The following PLET1 variants were observed in gnomAD, a reference collection of about 807,000 sequenced individuals.
PLET1 encodes the protein placenta-expressed transcript 1 protein.
PLET1 carries 20 observed loss-of-function variants against 18.5 expected under a neutral mutation model. That is an observed-to-expected ratio of 1.08 (90% CI 0.76 to 1.57). The LOEUF is 1.57. PLET1 is among the 40% of genes most tolerant of loss of function. The probability of loss-of-function intolerance (pLI) is 0.00; values close to 1 mark genes in which losing one functional copy is unlikely to be tolerated. For synonymous variants in PLET1, 93 were observed against 93.8 expected, an observed-to-expected ratio of 0.99 and a Z score of 0.05; for missense variants, 256 against 246.4, an observed-to-expected ratio of 1.04 and a Z score of -0.26.
chr11:112,249,503 C>T (rs1469746817), intron 3 of PLET1, among the ~76,000 whole-genome samples: 1 of 152,154 alleles, frequency 6.6e-6, no homozygotes, highest in Non-Finnish European at 1.5e-5. Context: ...TTCTGAGGCA[C>T]TGGTCAGTTT....
chr11:112,251,285 A>T (rs1327637856), intron 3 of PLET1, among the ~76,000 whole-genome samples: 5 of 10,044 alleles, frequency 5.0e-4, no homozygotes, highest in South Asian at 0.011. Context: ...TTGTAAATTA[A>T]AAAAAAAAAA....
rs1294351593 is a variant in PLET1 at position 112,248,956 on chromosome 11, G to A, written c.467C>T (p.Ala156Val). The A allele has an allele frequency of 2.6e-6, 4 of 1,550,534 alleles. No individual in the cohort carries two copies. In the South Asian group the frequency reaches 4.8e-5, roughly 18 times the overall value. Residue 156 changes from alanine to valine, a missense_variant, in exon 4 of 4, where the codon GCT becomes GTT. Physicochemically the swap from Ala to Val is moderately conservative, Grantham distance 64. Transcript: ENST00000338832. ...GGCTGAGCTCTGGGGAATCTTGGCA[G>A]CTAAGGCTAAGGTTGACACTGGAAA... ...LREKLSTLALAAKIPQSSAFK... is the reference protein window; with the variant it reads ...LREKLSTLALVAKIPQSSAFK...
At chr11:112,258,750 A>T (rs887175281) in intron 1 of PLET1, among the ~76,000 whole-genome samples, 5 of 152,160 alleles carry the variant, frequency 3.3e-5, no homozygotes, top group Non-Finnish European at 7.3e-5. Flanking sequence ...TTACAAGATT[A>T]TCCTCCCTGC....
rs1345596759 is a variant in PLET1 at position 112,260,472 on chromosome 11, A to G, written c.118T>C (p.Tyr40His). Residue 40 changes from tyrosine (Y) to histidine (H), a missense_variant, in exon 1 of 4, where the codon TAC becomes CAC. Physicochemically the swap from Tyr to His is moderately conservative, Grantham distance 83 (BLOSUM62 2). Transcript: ENST00000338832. ...YSSTCFTFDE[Y>H]YTITLDIKAS... Reference sequence around the variant, plus strand: ...TTGATGTCTAGGGTTATGGTGTAGTATTCATCAAAGGTGAAGCAGGTGCTA... The same window carrying G: ...TTGATGTCTAGGGTTATGGTGTAGTGTTCATCAAAGGTGAAGCAGGTGCTA... 1.3e-6 allele frequency: 2 copies of G among 1,551,842 alleles called. No homozygotes were observed. Among genetic ancestry groups the G allele is most frequent in the Admixed American group, 2.0e-5 (1 of 51,000 alleles).
intron 2 of PLET1, among the ~76,000 whole-genome samples, chr11:112,252,632 A>G (rs1566827809): frequency 6.6e-6 from 1 of 152,058 alleles, no homozygotes; most frequent in Non-Finnish European, 1.5e-5. Flanking sequence ...GCCCCTACCA[A>G]CATCACCACC....
intron 1 of PLET1, among the ~76,000 whole-genome samples, chr11:112,258,485 T>C (rs1472771620): frequency 6.6e-6 from 1 of 152,112 alleles, no homozygotes; most frequent in African/African-American, 2.4e-5. Flanking sequence ...CGTTTTGCCA[T>C]GTTGCTCAGT....
intron 1 of PLET1, 142 bp downstream of exon 1, chr11:112,260,263 TG>T: frequency 1.1e-6 from 1 of 879,348 alleles, no homozygotes. Flanking sequence ...TCTCATTCTT[TG>T]TCTTCCTTCC....
At chr11:112,249,681 G>A (rs1251439645) in intron 3 of PLET1, among the ~76,000 whole-genome samples, 2 of 152,118 alleles carry the variant, frequency 1.3e-5, no homozygotes, top group Non-Finnish European at 2.9e-5. Context: ...GTAAGGAAGA[G>A]GAAGAGACCA....
chr11:112,251,659 G>A (rs3018469), intron 3 of PLET1, among the ~76,000 whole-genome samples: 21,638 of 152,198 alleles, frequency 0.14, 2,070 homozygotes, highest in South Asian at 0.41. Context: ...GGATCCTTCC[G>A]CCTTGGCCTC....
chr11:112,259,077 A>C (rs939480092), intron 1 of PLET1, among the ~76,000 whole-genome samples: 1 of 152,230 alleles, frequency 6.6e-6, no homozygotes, highest in Non-Finnish European at 1.5e-5. Context: ...TTTAGATTCA[A>C]ATCTTAGCTA....
rs1464147571 is a variant in PLET1 at position 112,248,735 on chromosome 11, TA to T, written c.*63del. 6.7e-7 allele frequency: 1 copy of T among 1,485,862 alleles called. No homozygotes were observed. Among genetic ancestry groups the T allele is most frequent in the African/African-American group, 1.4e-5 (1 of 71,322 alleles). 92.0% of individuals were successfully genotyped at this position (1,485,862 alleles called of 1,614,324 possible). On this transcript the variant is annotated 3_prime_UTR_variant, in exon 4 of 4. Transcript: ENST00000338832. ...TTTACACACATTCGGTTCCCAGCAC[TA>T]GCTTGGAACTGAATGTAGGAGGATG...
At position 112,260,167 on chromosome 11, in the gene PLET1, T is replaced by G. The variant is rs114838260; in HGVS notation, c.184+239A>C. The stretch of plus-strand genomic sequence containing the variant: ...CAAGTGTGCTCTTGCTGGGACTCAG[T>G]GAATCTGGGGTTGGGGCTTTCTCGC... On this transcript the variant is annotated intron_variant, in intron 1 of 3. Coordinates refer to ENST00000338832, the MANE Select transcript of PLET1 (RefSeq NM_001145024.1). The G allele has an allele frequency of 2.3e-3, 1,055 of 462,744 alleles. 12 individuals carry two copies. The highest frequency in any genetic ancestry group is 0.019 in the African/African-American group (967 of 51,432). The allele number at this position is 462,744 out of a possible 1,614,324, so 28.7% of individuals were successfully genotyped here. A position where few individuals can be genotyped will look rare whatever the true frequency, so the allele number is the denominator to read the frequency against.
At chr11:112,254,733 GTGTGTGTGTGC>G (rs1422636547) in intron 2 of PLET1, among the ~76,000 whole-genome samples, 2 of 113,282 alleles carry the variant, frequency 1.8e-5, no homozygotes, top group Non-Finnish European at 3.7e-5. Context: ...TGTGTGTGTG[GTGTGTGTGTGC>G]TGTGTGTGTG....
Position 112,255,475 on chromosome 11 carries a change from G to T in PLET1, c.299C>A (p.Thr100Lys). ...CATGTATTGATCTTTCACGTAATAC[G>T]TGGAGTTGCTGTAGCAATTTTTATC... Reference protein sequence around the residue: ...RADKNCYSNSTYYVKDQYMTV... With the variant: ...RADKNCYSNSKYYVKDQYMTV... Residue 100 changes from threonine to lysine, a missense_variant, in exon 2 of 4, where the codon ACG becomes AAG. Physicochemically the swap from Thr to Lys is moderately conservative, Grantham distance 78 (BLOSUM62 -1). Transcript: ENST00000338832. The T allele has an allele frequency of 6.4e-7, 1 of 1,552,170 alleles. No homozygotes were observed. Among genetic ancestry groups the T allele is most frequent in the South Asian group, 1.2e-5 (1 of 84,068 alleles).
Position 112,260,823 on chromosome 11 carries a change from G to T in PLET1, c.-234C>A. ...AAATTGCAGTTTTGCTCAAGAAAGG[G>T]AATGTCCTGAATATGGTTTTCTTTT... is the stretch of plus-strand genomic sequence containing the variant. On this transcript the variant is annotated 5_prime_UTR_variant, in exon 1 of 4. Transcript: ENST00000338832. 2.0e-6 allele frequency: 1 copy of T among 510,988 alleles called. No individual in the cohort carries two copies. 31.7% of individuals were successfully genotyped at this position (510,988 alleles called of 1,614,324 possible). A position where few individuals can be genotyped will look rare whatever the true frequency, so the allele number is the denominator to read the frequency against.
intron 2 of PLET1, 63 bp from the exon 3 acceptor site, chr11:112,252,472 C>A: frequency 6.9e-7 from 1 of 1,452,690 alleles, no homozygotes; most frequent in South Asian, 1.2e-5. Context: ...ACAAGTTCAG[C>A]TCACATTTCG....
chr11:112,254,721 AGTGT>A (rs1318246947), intron 2 of PLET1, among the ~76,000 whole-genome samples: 8 of 35,288 alleles, frequency 2.3e-4, no homozygotes, highest in Admixed American at 1.2e-3. Context: ...GTGTGTTGTG[AGTGT>A]GTGTGTGGTG....
chr11:112,248,703 G>A lies in PLET1; in HGVS notation c.*96C>T, dbSNP rs1428339240. 2 of 1,348,258 alleles carry A rather than the reference G, an allele frequency of 1.5e-6. No individual in the cohort carries two copies. The highest frequency in any genetic ancestry group is 2.9e-5 in the African/African-American group (2 of 67,986). 83.5% of individuals were successfully genotyped at this position (1,348,258 alleles called of 1,614,324 possible). A position where few individuals can be genotyped will look rare whatever the true frequency, so the allele number is the denominator to read the frequency against. On this transcript the variant is annotated 3_prime_UTR_variant, in exon 4 of 4. Transcript: ENST00000338832. ...AAAGTTGCACATTTGAGAATGTAAAGCCTTCATTTACACACATTCGGTTCC... is the reference window on the plus strand; with the variant it reads ...AAAGTTGCACATTTGAGAATGTAAAACCTTCATTTACACACATTCGGTTCC...
chr11:112,259,281 C>G (rs941435134), intron 1 of PLET1, among the ~76,000 whole-genome samples: 1 of 152,176 alleles, frequency 6.6e-6, no homozygotes, highest in African/African-American at 2.4e-5. Flanking sequence ...TTACCTTCAC[C>G]ATTTAAGTAG....
Sources: allele counts gnomAD v4.1 joint callset (sites outside exome capture counted in the v4.1 genomes callset), GRCh38; gene constraint gnomAD v4.1.1; transcripts MANE v1.5; gene names NCBI Gene and HGNC (gene_info 2026-07-23, HGNC 2026-07-21).